GASK1A: variants seen among roughly 807,000 people sequenced by gnomAD.
GASK1A encodes the protein golgi associated kinase 1A.
Under a neutral mutation model 41.2 loss-of-function variants are expected in GASK1A, and 40 were observed. The ratio of observed to expected loss-of-function variants is 0.97; its 90% confidence interval spans 0.75 to 1.27. The LOEUF (loss-of-function observed/expected upper bound fraction) is 1.27, where lower values mean the gene tolerates loss of function less well. Among genes scored for constraint, GASK1A ranks in the 50% most tolerant of loss-of-function variants. The probability of loss-of-function intolerance (pLI) is 0.00; values close to 1 mark genes in which losing one functional copy is unlikely to be tolerated. For synonymous variants in GASK1A, 316 were observed against 307.1 expected, an observed-to-expected ratio of 1.03 and a Z score of -0.30; for missense variants, 678 against 745.1, an observed-to-expected ratio of 0.91 and a Z score of 1.05.
intron 1 of GASK1A, among the ~76,000 whole-genome samples, chr3:43,022,933 C>T (rs945677739): frequency 5.9e-5 from 9 of 152,150 alleles, no homozygotes; most frequent in Admixed American, 1.3e-4. Context: ...TGGATAAATA[C>T]GGAAAAAGCT....
rs1553613460 is a variant in GASK1A, at chr3:42,988,009, A to AAAAAAAAAAAAAG, written c.3+8364_3+8365insAAAAAAAAAAAAG. Among the ~76,000 whole-genome samples the AAAAAAAAAAAAAG allele has an allele frequency of 2.7e-5, 4 of 149,966 alleles. No homozygotes were observed. In the South Asian group the frequency reaches 6.4e-4, roughly 24 times the overall value. On this transcript the variant is annotated intron_variant, in intron 1 of 4. Transcript: ENST00000430121. ...GCGAGACTCTAGCTCAAAAAAAAAAAGGGATGGGGGTAGGATAGAGAGAAT... is the reference window on the plus strand; with the variant it reads ...GCGAGACTCTAGCTCAAAAAAAAAAAAAAAAAAAAAAAGGGGATGGGGGTAGGATAGAGAGAAT...
rs751293759 is a variant in GASK1A at position 43,032,326 on chromosome 3, C to A, written c.63C>A (p.Leu21=). 6.4e-7 allele frequency: 1 copy of A among 1,550,512 alleles called. No homozygotes were observed. The highest frequency in any genetic ancestry group is 1.2e-5 in the South Asian group (1 of 83,896). ...GKRRPVIAFC[L]LMILSAMAVT... ...GGCGGCCAGTGATAGCGTTCTGCCT[C>A]TTGATGATCCTATCTGCGATGGCTG... Residue 21 remains leucine, a synonymous_variant, in exon 2 of 5, where the codon CTC becomes CTA. Transcript: ENST00000430121.
intron 1 of GASK1A, among the ~76,000 whole-genome samples, chr3:43,030,640 G>A (rs914487842): frequency 1.3e-5 from 2 of 152,222 alleles, no homozygotes; most frequent in Admixed American, 6.5e-5. Flanking sequence ...TGGCTGGGTG[G>A]CAATGGGCCC....
chr3:43,032,992 T>C lies in GASK1A; in HGVS notation c.729T>C (p.Asp243=), dbSNP rs373582059. 4.5e-6 allele frequency: 7 copies of C among 1,551,716 alleles called. No individual in the cohort carries two copies. Among genetic ancestry groups the C allele is most frequent in the South Asian group, 1.2e-5 (1 of 84,058 alleles). Residue 243 remains aspartate (D), a synonymous_variant, in exon 2 of 5, where the codon GAT becomes GAC. Coordinates refer to ENST00000430121, the MANE Select transcript of GASK1A (RefSeq NM_001129908.3). ...AGCTGCAAGGGTCAGTATGGTGTGA[T>C]GCTGAGACGCTGTTGAGCAGCTCGA... is the stretch of plus-strand genomic sequence containing the variant. ...VEKLQGSVWC[D]AETLLSSSRT...
chr3:42,995,514 C>T (rs1335998400), intron 1 of GASK1A, among the ~76,000 whole-genome samples: 1 of 152,180 alleles, frequency 6.6e-6, no homozygotes, highest in Non-Finnish European at 1.5e-5. Flanking sequence ...AAACAAAACA[C>T]ATCTGCAGGC....
chr3:43,047,551 G>T (rs981973372), intron 2 of GASK1A, among the ~76,000 whole-genome samples: 3 of 152,152 alleles, frequency 2.0e-5, no homozygotes, highest in Admixed American at 6.5e-5. Flanking sequence ...ACTGATTGCT[G>T]TTGGTCCACT....
At chr3:43,006,070 C>G (rs182925182) in intron 1 of GASK1A, among the ~76,000 whole-genome samples, 82 of 152,218 alleles carry the variant, frequency 5.4e-4, no homozygotes, top group African/African-American at 1.9e-3. Context: ...TAGTAATCAT[C>G]TTTTTTGTTT....
chr3:43,055,649 A>G, intron 4 of GASK1A, 114 bp downstream of exon 4: 1 of 751,886 alleles, frequency 1.3e-6, no homozygotes. Flanking sequence ...ATCAGACAGA[A>G]GTTATTGGAT....
chr3:43,031,252 A>G (rs2089574443), intron 1 of GASK1A, among the ~76,000 whole-genome samples: 1 of 152,190 alleles, frequency 6.6e-6, no homozygotes. Flanking sequence ...AAAGGCTCAC[A>G]GGTACAGAGA....
intron 3 of GASK1A, chr3:43,053,954 GGT>G (rs2089704467): frequency 2.3e-6 from 1 of 426,672 alleles, no homozygotes; most frequent in African/African-American, 2.0e-5. Flanking sequence ...GTTTGAGAAT[GGT>G]GTGTCTAGTC....
chr3:43,025,179 G>A (rs1230100307), intron 1 of GASK1A, among the ~76,000 whole-genome samples: 1 of 152,196 alleles, frequency 6.6e-6, no homozygotes, highest in African/African-American at 2.4e-5. Context: ...AGGAGTGGGA[G>A]CAAAGGGGGC....
At position 43,032,383 on chromosome 3, in the gene GASK1A, C is replaced by T. The variant is rs115136383; in HGVS notation, c.120C>T (p.Ala40=). The T allele has an allele frequency of 1.3e-3, 1,960 of 1,551,626 alleles. 22 individuals are homozygous for T. In the African/African-American group the frequency reaches 0.023, roughly 18 times the overall value. ...GCTTTCCCCCACAGCGTCCATCCGC[C>T]GGCCCAGACCCTGGTCCCATGGAGC... ...VTRFPPQRPS[A]GPDPGPMEPQ... is the part of the protein sequence containing the mutation. Residue 40 remains alanine (A), a synonymous_variant, in exon 2 of 5, where the codon GCC becomes GCT. Transcript: ENST00000430121.
chr3:43,000,562 A>G (rs997803332), intron 1 of GASK1A, among the ~76,000 whole-genome samples: 3 of 152,230 alleles, frequency 2.0e-5, no homozygotes, highest in African/African-American at 2.4e-5. Flanking sequence ...ATATAATTCT[A>G]TTTCACACAT....
intron 1 of GASK1A, among the ~76,000 whole-genome samples, chr3:43,020,557 T>C (rs2089516271): frequency 6.6e-6 from 1 of 152,212 alleles, no homozygotes; most frequent in African/African-American, 2.4e-5. Flanking sequence ...GGGCACACAT[T>C]GAGCCCAAGA....
At chr3:42,993,292 G>A (rs2089351279) in intron 1 of GASK1A, among the ~76,000 whole-genome samples, 1 of 152,208 alleles carries the variant, frequency 6.6e-6, no homozygotes. Context: ...CAGGACCTGT[G>A]ACTTTGTCAC....
chr3:43,033,144 T>C lies in GASK1A; in HGVS notation c.881T>C (p.Phe294Ser). 6.4e-7 allele frequency: 1 copy of C among 1,550,888 alleles called. No homozygotes were observed. Among genetic ancestry groups the C allele is most frequent in the Non-Finnish European group, 8.7e-7 (1 of 1,146,492 alleles). Residue 294 changes from phenylalanine (F) to serine (S), a missense_variant, in exon 2 of 5, where the codon TTC (phenylalanine) becomes TCC (serine). Phe to Ser is a radical substitution (Grantham distance 155). Coordinates refer to ENST00000430121, the MANE Select transcript of GASK1A (RefSeq NM_001129908.3). ...PAHGQVLQVG[F>S]STEAALQDLS... The stretch of plus-strand genomic sequence containing the variant: ...CATGGGCAGGTGCTACAGGTTGGCT[T>C]CTCCACTGAGGCTGCCCTTCAGGAC...
At chr3:42,991,309 C>A (rs1028186758) in intron 1 of GASK1A, among the ~76,000 whole-genome samples, 1 of 152,116 alleles carries the variant, frequency 6.6e-6, no homozygotes, top group Non-Finnish European at 1.5e-5. Flanking sequence ...CCTGGCCAAT[C>A]GGTCTTTTTC....
intron 1 of GASK1A, among the ~76,000 whole-genome samples, chr3:43,010,543 A>G (rs1170453774): frequency 3.9e-5 from 6 of 152,168 alleles, no homozygotes; most frequent in Non-Finnish European, 1.5e-5. Context: ...CGATTTTTTG[A>G]ATTGCTTTTC....
intron 2 of GASK1A, among the ~76,000 whole-genome samples, chr3:43,035,147 C>T (rs1402114603): frequency 1.3e-5 from 2 of 152,158 alleles, no homozygotes; most frequent in Admixed American, 1.3e-4. Flanking sequence ...GGGCAGATTA[C>T]CTAGCCTCTC....
Sources: gnomAD v4.1 joint callset for allele counts (sites outside exome capture counted in the v4.1 genomes callset) on GRCh38, gnomAD v4.1.1 for gene constraint, MANE v1.5 for transcripts, NCBI Gene and HGNC (gene_info 2026-07-23, HGNC 2026-07-21) for gene names.